Variants in GRIP1 observed in about 807,000 individuals in gnomAD.
The protein encoded by GRIP1 is glutamate receptor interacting protein 1, also known as glutamate receptor-interacting protein 1.
A neutral mutation model predicts 129.9 loss-of-function variants in GRIP1; 45 were observed. The ratio of observed to expected loss-of-function variants is 0.35; its 90% confidence interval spans 0.27 to 0.44. The LOEUF is 0.44. Ranked by LOEUF, GRIP1 falls within the 20% of genes least tolerant of loss-of-function variation. GRIP1 has a pLI of 1.00. For missense variants in GRIP1, 1,196 were observed against 1,396.8 expected, an observed-to-expected ratio of 0.86 and a Z score of 2.29; for synonymous variants, 530 against 520.8, an observed-to-expected ratio of 1.02 and a Z score of -0.24.
Position 66,349,220 on chromosome 12 carries a change from A to C in GRIP1, c.3186T>G (p.Phe1062Leu). 6.2e-7 allele frequency: 1 copy of C among 1,614,130 alleles called. No homozygotes were observed. The highest frequency in any genetic ancestry group is 8.5e-7 in the Non-Finnish European group (1 of 1,179,964). Residue 1062 changes from phenylalanine (F) to leucine (L), a missense_variant, in exon 25 of 25, where the codon TTT (phenylalanine) becomes TTG (leucine). Around this residue, in one of 5 missense-constraint regions of GRIP1, gnomAD observed 427 missense variants for 463.3 expected, o/e 0.92. Coordinates refer to ENST00000359742, the MANE Select transcript of GRIP1 (RefSeq NM_001366722.1). The part of the protein sequence containing the change: ...LQVNHVRTRD[F>L]DCCLVVPLIA... ...TGAGGGGCACAACAAGGCAGCAGTC[A>C]AAGTCTCTGGTTCGGACATGATTCA...
chr12:66,756,999 C>T (rs2037310506), intron 1 of GRIP1, among the ~76,000 whole-genome samples: 1 of 152,104 alleles, frequency 6.6e-6, no homozygotes, highest in Non-Finnish European at 1.5e-5. Context: ...TTATGGGATA[C>T]ATGGAATATT....
chr12:66,802,875 T>C (rs1274953980), intron 1 of GRIP1, among the ~76,000 whole-genome samples: 1 of 152,192 alleles, frequency 6.6e-6, no homozygotes, highest in Non-Finnish European at 1.5e-5. Context: ...GAACACATTA[T>C]TCATGTGCAC....
At chr12:66,929,712 A>T (rs1266383774) in intron 1 of GRIP1, among the ~76,000 whole-genome samples, 6 of 152,140 alleles carry the variant, frequency 3.9e-5, no homozygotes, top group East Asian at 1.9e-4. Flanking sequence ...CCTCCTCTAC[A>T]TCTATGTATC....
intron 1 of GRIP1, among the ~76,000 whole-genome samples, chr12:66,882,817 C>A (rs1195159054): frequency 6.6e-6 from 1 of 152,146 alleles, no homozygotes; most frequent in African/African-American, 2.4e-5. Context: ...GCCCTGTGGG[C>A]CAGAAGGATT....
intron 1 of GRIP1, among the ~76,000 whole-genome samples, chr12:67,055,899 C>A (rs377340193): frequency 1.3e-5 from 2 of 151,936 alleles, no homozygotes; most frequent in South Asian, 2.1e-4. Flanking sequence ...AATGACAGGA[C>A]AACATGGAAC....
intron 1 of GRIP1, among the ~76,000 whole-genome samples, chr12:66,858,480 C>CT (rs991912900): frequency 3.3e-5 from 5 of 151,606 alleles, no homozygotes; most frequent in Admixed American, 6.6e-5. Flanking sequence ...CATTTTTTGA[C>CT]TTTTTTTTGC....
At chr12:66,846,770 G>A (rs149771874) in intron 1 of GRIP1, among the ~76,000 whole-genome samples, 2 of 152,292 alleles carry the variant, frequency 1.3e-5, no homozygotes, top group Admixed American at 6.5e-5. Context: ...CAAGAAAGGA[G>A]TACATGTCAC....
chr12:66,472,872 T>A (rs996864901), intron 7 of GRIP1, among the ~76,000 whole-genome samples: 1 of 152,198 alleles, frequency 6.6e-6, no homozygotes, highest in Non-Finnish European at 1.5e-5. Context: ...ACCATGGCCC[T>A]GGGTTTCAAG....
At chr12:66,814,667 T>TA (rs1167623756) in intron 1 of GRIP1, among the ~76,000 whole-genome samples, 3 of 151,054 alleles carry the variant, frequency 2.0e-5, no homozygotes, top group Non-Finnish European at 4.4e-5. Flanking sequence ...ATAGAAAAAT[T>TA]AAATAAATAA....
chr12:66,452,050 A>G (rs2058823384), intron 11 of GRIP1, among the ~76,000 whole-genome samples: 1 of 152,222 alleles, frequency 6.6e-6, no homozygotes, highest in Non-Finnish European at 1.5e-5. Context: ...AGCAAAGACC[A>G]TTCTGGAAAT....
intron 1 of GRIP1, among the ~76,000 whole-genome samples, chr12:66,975,072 T>C (rs1172977414): frequency 1.3e-5 from 2 of 152,180 alleles, no homozygotes; most frequent in East Asian, 3.8e-4. Flanking sequence ...AGTGGCTTTT[T>C]TATATGGATT....
In GRIP1 at chr12:66,596,944, A is replaced by C; in HGVS notation, c.56-17T>G. On this transcript the variant is annotated splice_polypyrimidine_tract_variant and intron_variant, in intron 1 of 24. Transcript: ENST00000359742. ...GACTCTCATCTGCAAAGGTACAATG[A>C]AGCGTTTGGTTAATTTCCATCCAGT... 1 of 1,567,386 alleles carries C rather than the reference A, an allele frequency of 6.4e-7. No homozygotes were observed. Among genetic ancestry groups the C allele is most frequent in the Non-Finnish European group, 8.8e-7 (1 of 1,137,446 alleles).
At chr12:66,663,840 C>T (rs1170780812) in intron 1 of GRIP1, among the ~76,000 whole-genome samples, 1 of 152,208 alleles carries the variant, frequency 6.6e-6, no homozygotes, top group South Asian at 2.1e-4. Context: ...GCCAAGTGTG[C>T]ACTTGAAACA....
chr12:67,034,513 T>A (rs142333811), intron 1 of GRIP1, among the ~76,000 whole-genome samples: 111 of 152,090 alleles, frequency 7.3e-4, no homozygotes, highest in Middle Eastern at 3.4e-3. Flanking sequence ...TATCTAAACA[T>A]AGAAAAGGTA....
At chr12:66,969,715 C>T (rs920899898) in intron 1 of GRIP1, among the ~76,000 whole-genome samples, 4 of 152,140 alleles carry the variant, frequency 2.6e-5, no homozygotes, top group African/African-American at 9.7e-5. Context: ...CCATGCCTGG[C>T]TCTTTTTTTT....
intron 1 of GRIP1, among the ~76,000 whole-genome samples, chr12:66,778,803 A>C (rs996474526): frequency 6.6e-6 from 1 of 152,214 alleles, no homozygotes; most frequent in African/African-American, 2.4e-5. Flanking sequence ...ATTGCTCAGT[A>C]GTAAAAACTT....
intron 9 of GRIP1, among the ~76,000 whole-genome samples, chr12:66,459,111 G>A (rs1279276272): frequency 6.6e-6 from 1 of 152,102 alleles, no homozygotes; most frequent in African/African-American, 2.4e-5. Context: ...TGCCTGTCTT[G>A]CTCACTAAAT....
At chr12:66,821,577 C>A (rs2039319462) in intron 1 of GRIP1, among the ~76,000 whole-genome samples, 1 of 152,130 alleles carries the variant, frequency 6.6e-6, no homozygotes, top group Non-Finnish European at 1.5e-5. Context: ...CTTGTCAATG[C>A]AATTTAGTTG....
At chr12:66,483,241 C>A (rs1231652798) in intron 7 of GRIP1, among the ~76,000 whole-genome samples, 1 of 152,106 alleles carries the variant, frequency 6.6e-6, no homozygotes, top group African/African-American at 2.4e-5. Flanking sequence ...ATTAATAGTA[C>A]CTATTCATAT....
Sources: allele counts gnomAD v4.1 joint callset (sites outside exome capture counted in the v4.1 genomes callset), GRCh38; gene constraint gnomAD v4.1.1; regional missense constraint gnomAD v4.1.1; transcripts MANE v1.5; gene names NCBI Gene and HGNC (gene_info 2026-07-23, HGNC 2026-07-21).